The following ASTN2 variants were observed in gnomAD, a reference collection of about 807,000 sequenced individuals.
ASTN2 encodes the protein astrotactin-2.
A neutral mutation model predicts 139.8 loss-of-function variants in ASTN2; 54 were observed. That is an observed-to-expected ratio of 0.39 (90% CI 0.31 to 0.48). ASTN2 has a LOEUF of 0.48. Among genes scored for constraint, ASTN2 ranks in the 20% least tolerant of loss-of-function variants. The pLI is 0.95. For synonymous variants in ASTN2, 756 were observed against 719.5 expected (o/e 1.05, Z -0.81); for missense variants, 1,565 against 1,725.1 (o/e 0.91, Z 1.64).
At chr9:117,354,885 TAGTTATA>T (rs1429733591) in intron 1 of ASTN2, among the ~76,000 whole-genome samples, 2 of 152,234 alleles carry the variant, frequency 1.3e-5, no homozygotes, top group African/African-American at 4.8e-5. Flanking sequence ...ATAAATGCCC[TAGTTATA>T]AGTTATCAAA....
At chr9:116,845,680 C>T (rs1832409273) in intron 11 of ASTN2, among the ~76,000 whole-genome samples, 1 of 152,210 alleles carries the variant, frequency 6.6e-6, no homozygotes, top group African/African-American at 2.4e-5. Context: ...GAAACTACCT[C>T]ACCCTCATTA....
chr9:117,216,806 G>C (rs1393068712), intron 2 of ASTN2, among the ~76,000 whole-genome samples: 1 of 152,098 alleles, frequency 6.6e-6, no homozygotes, highest in African/African-American at 2.4e-5. Flanking sequence ...AGAGTGAAGA[G>C]AGGAAAGGGC....
intron 16 of ASTN2, among the ~76,000 whole-genome samples, chr9:116,693,252 AG>A: frequency 6.6e-6 from 1 of 152,304 alleles, no homozygotes; most frequent in South Asian, 2.1e-4. Flanking sequence ...CTAAGAAAAC[AG>A]GTTTAGACAG....
intron 10 of ASTN2, among the ~76,000 whole-genome samples, chr9:116,893,450 A>G (rs1007933365): frequency 3.9e-5 from 6 of 152,130 alleles, no homozygotes; most frequent in African/African-American, 1.4e-4. Flanking sequence ...CTAAAGCAGG[A>G]GAGATCTAGG....
intron 5 of ASTN2, among the ~76,000 whole-genome samples, chr9:117,056,837 T>C (rs1839078446): frequency 6.6e-6 from 1 of 152,172 alleles, no homozygotes; most frequent in African/African-American, 2.4e-5. Context: ...AAGGAACAGC[T>C]AAGAACATGA....
At chr9:116,574,013 G>A (rs1180043718) in intron 19 of ASTN2, among the ~76,000 whole-genome samples, 1 of 152,202 alleles carries the variant, frequency 6.6e-6, no homozygotes, top group Admixed American at 6.5e-5. Flanking sequence ...AGGACTGAGT[G>A]AGACCTGGGA....
chr9:116,472,789 G>A (rs747186852), intron 20 of ASTN2, among the ~76,000 whole-genome samples: 42 of 151,920 alleles, frequency 2.8e-4, no homozygotes, highest in East Asian at 1.2e-3. Context: ...TGGCGGCGGC[G>A]GAGGGGGCAC....
At chr9:117,403,700 G>C (rs1011180926) in intron 1 of ASTN2, among the ~76,000 whole-genome samples, 10 of 152,126 alleles carry the variant, frequency 6.6e-5, no homozygotes, top group Non-Finnish European at 1.0e-4. Context: ...CTGGGTGCAT[G>C]AGAGCAAGGC....
intron 7 of ASTN2, among the ~76,000 whole-genome samples, chr9:116,981,249 G>C (rs1836505698): frequency 6.6e-6 from 1 of 151,968 alleles, no homozygotes; most frequent in Non-Finnish European, 1.5e-5. Flanking sequence ...CCTGATAAAG[G>C]GTAGGCAACT....
chr9:117,086,637 C>T (rs191873756), intron 5 of ASTN2, among the ~76,000 whole-genome samples: 1 of 152,188 alleles, frequency 6.6e-6, no homozygotes, highest in African/African-American at 2.4e-5. Flanking sequence ...TCATGACATC[C>T]TCTTGCTTGG....
At chr9:117,356,146 G>A (rs1240605176) in intron 1 of ASTN2, among the ~76,000 whole-genome samples, 1 of 152,116 alleles carries the variant, frequency 6.6e-6, no homozygotes, top group East Asian at 1.9e-4. Context: ...AAAGATACAA[G>A]GTATAAGTAG....
At chr9:117,065,112 C>T (rs544122393) in intron 5 of ASTN2, among the ~76,000 whole-genome samples, 1 of 152,080 alleles carries the variant, frequency 6.6e-6, no homozygotes, top group African/African-American at 2.4e-5. Flanking sequence ...GAGCAATGCA[C>T]ATACAGGACT....
chr9:117,411,440 G>T (rs1273614631), intron 1 of ASTN2, among the ~76,000 whole-genome samples: 1 of 61,492 alleles, frequency 1.6e-5, no homozygotes, highest in Non-Finnish European at 3.1e-5. Flanking sequence ...AAAAGGAAAG[G>T]ATCTGCAAAA....
chr9:116,542,235 G>T (rs907861490), intron 19 of ASTN2, among the ~76,000 whole-genome samples: 2 of 152,002 alleles, frequency 1.3e-5, no homozygotes, highest in Admixed American at 1.3e-4. Flanking sequence ...AAATTCTCTT[G>T]ATACATATTG....
intron 1 of ASTN2, among the ~76,000 whole-genome samples, chr9:117,402,006 T>C (rs1830844370): frequency 6.6e-6 from 1 of 152,170 alleles, no homozygotes; most frequent in South Asian, 2.1e-4. Flanking sequence ...TGGGAAAGGA[T>C]GGCAGCTTGG....
intron 11 of ASTN2, among the ~76,000 whole-genome samples, chr9:116,821,775 C>T (rs1348614409): frequency 6.6e-6 from 1 of 152,108 alleles, no homozygotes; most frequent in African/African-American, 2.4e-5. Flanking sequence ...CTTCAATGGC[C>T]TCAGCTAGAA....
At chr9:116,539,508 G>A (rs1851791236) in intron 19 of ASTN2, among the ~76,000 whole-genome samples, 2 of 152,180 alleles carry the variant, frequency 1.3e-5, no homozygotes, top group South Asian at 4.1e-4. Flanking sequence ...TGAATGCAAA[G>A]TTTTATGAAC....
chr9:116,961,405 A>T (rs1344656730), intron 10 of ASTN2, among the ~76,000 whole-genome samples: 1 of 152,004 alleles, frequency 6.6e-6, no homozygotes, highest in Non-Finnish European at 1.5e-5. Context: ...CGCAACCACT[A>T]TTCTACTTTC....
chr9:116,762,421 A>T (rs1432699862), intron 13 of ASTN2, among the ~76,000 whole-genome samples: 1 of 152,166 alleles, frequency 6.6e-6, no homozygotes, highest in Non-Finnish European at 1.5e-5. Flanking sequence ...TGCTTTGAAA[A>T]ACATAAATGC....
Sources: allele counts gnomAD v4.1 joint callset (sites outside exome capture counted in the v4.1 genomes callset), GRCh38; gene constraint gnomAD v4.1.1; transcripts MANE v1.5; gene names NCBI Gene and HGNC (gene_info 2026-07-23, HGNC 2026-07-21).